The following TBCE variants were observed in gnomAD, a reference collection of about 807,000 sequenced individuals.
TBCE encodes the protein tubulin-specific chaperone E.
A neutral mutation model predicts 77.0 loss-of-function variants in TBCE; 53 were observed. The observed-to-expected ratio is 0.69, with a 90% CI of 0.55 to 0.87. The LOEUF (loss-of-function observed/expected upper bound fraction) is 0.87. Among genes scored for constraint, TBCE ranks in the 40% least tolerant of loss-of-function variants. TBCE has a pLI of 0.00. For synonymous variants in TBCE, 235 were observed against 241.3 expected, an observed-to-expected ratio of 0.97 and a Z score of 0.24; for missense variants, 624 against 622.4, an observed-to-expected ratio of 1.00 and a Z score of -0.03.
At chr1:235,391,641 C>G (rs1279212355) in intron 2 of TBCE, among the ~76,000 whole-genome samples, 1 of 120,124 alleles carries the variant, frequency 8.3e-6, no homozygotes, top group Non-Finnish European at 1.6e-5. Flanking sequence ...GAGTCTTACT[C>G]TGTCACCCAG....
intron 5 of TBCE, among the ~76,000 whole-genome samples, chr1:235,425,376 CCT>C (rs1313251118): frequency 6.6e-6 from 1 of 152,090 alleles, no homozygotes. Flanking sequence ...CATGTTCTGC[CCT>C]CTCATGCTGC....
intron 3 of TBCE, among the ~76,000 whole-genome samples, chr1:235,404,309 G>C (rs920688279): frequency 6.6e-6 from 1 of 151,854 alleles, no homozygotes. Flanking sequence ...GTGTGGGGTG[G>C]TACGGGTGGT....
intron 12 of TBCE, among the ~76,000 whole-genome samples, chr1:235,438,289 T>C (rs1465715526): frequency 2.6e-5 from 4 of 152,234 alleles, no homozygotes; most frequent in Non-Finnish European, 1.5e-5. Context: ...GGCTGACACC[T>C]GTAATCCCAG....
chr1:235,381,867 GGTTA>G (rs1677676489), intron 2 of TBCE, among the ~76,000 whole-genome samples: 2 of 148,552 alleles, frequency 1.3e-5, no homozygotes, highest in African/African-American at 5.0e-5. Context: ...ACAATGTGCA[GGTTA>G]GTTACATATG....
chr1:235,442,289 G>A (rs1472421947), intron 14 of TBCE, among the ~76,000 whole-genome samples: 1 of 152,156 alleles, frequency 6.6e-6, no homozygotes, highest in Non-Finnish European at 1.5e-5. Context: ...TCGTGCCTTA[G>A]CCTCCCGAGT....
At chr1:235,406,285 G>A (rs543035652) in intron 3 of TBCE, among the ~76,000 whole-genome samples, 1 of 152,212 alleles carries the variant, frequency 6.6e-6, no homozygotes, top group Non-Finnish European at 1.5e-5. Flanking sequence ...TCATGTTTTA[G>A]TTTCTCTGAT....
rs764205240 is a variant in TBCE, at chr1:235,449,727, A to G, written c.*965A>G. The G allele has an allele frequency of 2.0e-5, 3 of 153,250 alleles. No individual in the cohort carries two copies. The highest frequency in any genetic ancestry group is 2.9e-5 in the Non-Finnish European group (2 of 68,774). The allele number at this position is 153,250 out of a possible 1,614,324, so 9.5% of individuals were successfully genotyped here. ...CTTTGGTATAAGTGACCACTGCTCA[A>G]ATATGTGATCACATGATCACACAGC... On this transcript the variant is annotated 3_prime_UTR_variant, in exon 17 of 17. Coordinates refer to ENST00000642610, the MANE Select transcript of TBCE (RefSeq NM_003193.5).
intron 2 of TBCE, among the ~76,000 whole-genome samples, chr1:235,391,958 C>T (rs1316375673): frequency 1.3e-5 from 2 of 151,724 alleles, no homozygotes; most frequent in Non-Finnish European, 1.5e-5. Flanking sequence ...AGTAGCATTT[C>T]ATTCCTAAAT....
At chr1:235,387,155 G>C (rs1678062950) in intron 2 of TBCE, among the ~76,000 whole-genome samples, 1 of 152,184 alleles carries the variant, frequency 6.6e-6, no homozygotes, top group South Asian at 2.1e-4. Flanking sequence ...CGTTCCTCTG[G>C]AAGTTTTGTC....
chr1:235,383,372 T>A lies in TBCE; in HGVS notation c.100+3223T>A, dbSNP rs889111774. Among the ~76,000 whole-genome samples, 8 of 152,322 alleles carry A rather than the reference T, an allele frequency of 5.3e-5. No homozygotes were observed. The South Asian group carries it at 1.4e-3, about 28-fold the overall frequency. On this transcript the variant is annotated intron_variant, in intron 2 of 16. Coordinates refer to ENST00000642610, the MANE Select transcript of TBCE (RefSeq NM_003193.5). ...GTGAAGAAAGTCATTGGTAGCTTGA[T>A]GGGGATGGCATTGAATCTGTAAATT... is the stretch of plus-strand genomic sequence containing the variant.
At chr1:235,388,178 G>A (rs996486693) in intron 2 of TBCE, among the ~76,000 whole-genome samples, 2 of 151,246 alleles carry the variant, frequency 1.3e-5, no homozygotes, top group Admixed American at 1.3e-4. Context: ...CTATTCCTAT[G>A]TTTATAGACA....
intron 3 of TBCE, among the ~76,000 whole-genome samples, chr1:235,410,875 G>A (rs547457269): frequency 1.3e-5 from 2 of 152,286 alleles, no homozygotes; most frequent in Admixed American, 6.5e-5. Flanking sequence ...GTATGGCGAA[G>A]GCCATTCATA....
In TBCE at chr1:235,396,682, G is replaced by T. The variant is rs576406750; in HGVS notation, c.101-4821G>T. Among the ~76,000 whole-genome samples, 39 of 152,256 alleles carry T rather than the reference G, an allele frequency of 2.6e-4. 1 individual carries two copies. The South Asian group carries it at 7.9e-3, about 31-fold the overall frequency. ...TTGGATAAAAGTCCTTTTAACTGGA[G>T]TGATGTGATATCTCATTGTAGTTTT... On this transcript the variant is annotated intron_variant, in intron 2 of 16. Transcript: ENST00000642610.
At chr1:235,415,916 T>G (rs1451629581) in intron 4 of TBCE, 1 of 152,086 alleles carries the variant, frequency 6.6e-6, no homozygotes, top group Non-Finnish European at 1.5e-5. Flanking sequence ...GCTTGTCATC[T>G]TAGCACTTTT....
chr1:235,442,008 A>AAT (rs1681909653), intron 14 of TBCE, 126 bp downstream of exon 14: 8 of 596,500 alleles, frequency 1.3e-5, no homozygotes, highest in Non-Finnish European at 2.2e-5. Context: ...TTAAATGAAA[A>AAT]TTTTTTTTTT....
In TBCE at chr1:235,438,868, A is replaced by G; in HGVS notation, c.1216A>G (p.Arg406Gly). The G allele has an allele frequency of 1.2e-6, 2 of 1,614,220 alleles. No individual in the cohort carries two copies. The highest frequency in any genetic ancestry group is 1.7e-6 in the Non-Finnish European group (2 of 1,180,042). ...TGGACATAAGGATCCGGAAAAAAAC[A>G]GACTCAGCGAAGAATTCCTCACAGC... Reference protein sequence around the residue: ...AGGHKDPEKNRLSEEFLTAHP... With the variant: ...AGGHKDPEKNGLSEEFLTAHP... The change falls in exon 13 of 17, where the codon AGA (arginine) becomes GGA (glycine). Residue 406 changes from arginine to glycine, a missense_variant. Coordinates refer to ENST00000642610, the MANE Select transcript of TBCE (RefSeq NM_003193.5).
In TBCE at chr1:235,427,208, C is replaced by A. The variant is rs752561706; in HGVS notation, c.529C>A (p.Gln177Lys). ...SWDEVIHIAD[Q>K]LRHLEVLNVS... is the part of the protein sequence containing the mutation. ...GGATGAAGTGATACACATTGCTGATCAGCTCAGACACCTGGAAGTCCTTAA... is the reference window on the plus strand; with the variant it reads ...GGATGAAGTGATACACATTGCTGATAAGCTCAGACACCTGGAAGTCCTTAA... Residue 177 changes from glutamine (Q) to lysine (K), a missense_variant, in exon 6 of 17, where the codon CAG becomes AAG. Physicochemically the swap from Gln to Lys is moderately conservative, Grantham distance 53. Coordinates refer to ENST00000642610, the MANE Select transcript of TBCE (RefSeq NM_003193.5). 4 of 1,613,926 alleles carry A rather than the reference C, an allele frequency of 2.5e-6. No individual in the cohort carries two copies. The Admixed American group carries it at 6.7e-5, about 27-fold the overall frequency.
chr1:235,388,612 G>T (rs1678181561), intron 2 of TBCE, among the ~76,000 whole-genome samples: 1 of 152,142 alleles, frequency 6.6e-6, no homozygotes, highest in African/African-American at 2.4e-5. Flanking sequence ...TCTAAGGAAT[G>T]TGAATATTCT....
At chr1:235,438,733 T>TAA (rs1374607841) in intron 12 of TBCE, 36 bp from the exon 13 acceptor site, 1 of 1,614,038 alleles carries the variant, frequency 6.2e-7, no homozygotes, top group South Asian at 1.1e-5. Flanking sequence ...GAAAAAAGCT[T>TAA]TGTAATAGGC....
Sources: gnomAD v4.1 joint callset for allele counts (sites outside exome capture counted in the v4.1 genomes callset) on GRCh38, gnomAD v4.1.1 for gene constraint, MANE v1.5 for transcripts, NCBI Gene and HGNC (gene_info 2026-07-23, HGNC 2026-07-21) for gene names.